Variants in SLC25A40 observed in about 807,000 individuals in gnomAD.
The protein encoded by SLC25A40 is mitochondrial glutathione transporter SLC25A40.
SLC25A40 carries 41 observed loss-of-function variants against 46.5 expected under a neutral mutation model. The observed-to-expected ratio is 0.88, with a 90% CI of 0.69 to 1.14. SLC25A40 has a LOEUF of 1.14. SLC25A40 is among the 50% of genes most tolerant of loss of function. The pLI is 0.00. For missense variants in SLC25A40, 386 were observed against 393.6 expected (o/e 0.98, Z 0.16); for synonymous variants, 126 against 127.5 (o/e 0.99, Z 0.08).
chr7:87,861,178 T>C (rs551610803), intron 1 of SLC25A40, among the ~76,000 whole-genome samples: 1 of 152,264 alleles, frequency 6.6e-6, no homozygotes, highest in South Asian at 2.1e-4. Flanking sequence ...ACAAGACTAT[T>C]GTCTTGATTT....
chr7:87,869,806 G>A (rs1838867772), intron 1 of SLC25A40, among the ~76,000 whole-genome samples: 1 of 152,132 alleles, frequency 6.6e-6, no homozygotes, highest in South Asian at 2.1e-4. Flanking sequence ...TTTAAATCTT[G>A]AGTAAATACA....
chr7:87,867,535 A>G (rs1838822957), intron 1 of SLC25A40, among the ~76,000 whole-genome samples: 1 of 152,120 alleles, frequency 6.6e-6, no homozygotes, highest in Admixed American at 6.5e-5. Context: ...TAAAACTGCT[A>G]TTTTAAATCC....
chr7:87,874,660 C>G (rs981245322), intron 1 of SLC25A40, among the ~76,000 whole-genome samples: 1 of 152,190 alleles, frequency 6.6e-6, no homozygotes, highest in African/African-American at 2.4e-5. Context: ...TCTTAAGGAG[C>G]TCTACTCTGT....
At chr7:87,855,901 C>A (rs1584331232) in intron 4 of SLC25A40, among the ~76,000 whole-genome samples, 1 of 152,162 alleles carries the variant, frequency 6.6e-6, no homozygotes, top group East Asian at 1.9e-4. Context: ...ACCAAGCTGT[C>A]TGATAAAATA....
chr7:87,850,187 G>T (rs930180787), intron 5 of SLC25A40, among the ~76,000 whole-genome samples: 2 of 152,102 alleles, frequency 1.3e-5, no homozygotes, highest in Non-Finnish European at 2.9e-5. Context: ...GCTCTAGATT[G>T]TTCTACTAAG....
intron 5 of SLC25A40, among the ~76,000 whole-genome samples, chr7:87,851,854 T>A (rs1838517319): frequency 6.6e-6 from 1 of 152,052 alleles, no homozygotes; most frequent in Non-Finnish European, 1.5e-5. Context: ...AAGAGTTTAA[T>A]GGAATGCTAA....
At chr7:87,866,002 G>T (rs1374911853) in intron 1 of SLC25A40, among the ~76,000 whole-genome samples, 1 of 151,870 alleles carries the variant, frequency 6.6e-6, no homozygotes, top group African/African-American at 2.4e-5. Context: ...AGGATCGCTT[G>T]AGCCCACAAA....
chr7:87,843,575 T>A (rs1486293082), intron 9 of SLC25A40, among the ~76,000 whole-genome samples, 179 bp downstream of exon 9: 1 of 152,068 alleles, frequency 6.6e-6, no homozygotes, highest in Non-Finnish European at 1.5e-5. Context: ...AAATACAGTA[T>A]ATTTAAATTA....
chr7:87,838,926 T>C (rs1023635108), intron 10 of SLC25A40, among the ~76,000 whole-genome samples: 1 of 151,682 alleles, frequency 6.6e-6, no homozygotes, highest in Admixed American at 6.6e-5. Flanking sequence ...TGGATTATAA[T>C]GATTTATCCA....
chr7:87,854,838 G>A (rs1584330523), intron 4 of SLC25A40, among the ~76,000 whole-genome samples: 1 of 139,670 alleles, frequency 7.2e-6, no homozygotes, highest in Non-Finnish European at 1.5e-5. Flanking sequence ...AAAAGTAACT[G>A]TAAATTAGTG....
intron 1 of SLC25A40, among the ~76,000 whole-genome samples, chr7:87,869,920 C>T (rs938781318): frequency 1.3e-5 from 2 of 152,200 alleles, no homozygotes; most frequent in African/African-American, 4.8e-5. Context: ...CCCACCAGCA[C>T]TATATGCAAG....
At chr7:87,865,513 A>G (rs777106570) in intron 1 of SLC25A40, among the ~76,000 whole-genome samples, 6 of 152,224 alleles carry the variant, frequency 3.9e-5, no homozygotes, top group Admixed American at 2.6e-4. Flanking sequence ...GCTGAGGCCT[A>G]TAATCCCAGC....
chr7:87,843,782 T>C lies in SLC25A40; in HGVS notation c.713A>G (p.Asn238Ser), dbSNP rs760450208. 1.7e-5 allele frequency: 27 copies of C among 1,610,422 alleles called. No individual in the cohort carries two copies. In the Admixed American group the frequency reaches 2.5e-4, roughly 15 times the overall value. ...ACCAGACAATGCCCCTGAAGTAAAG[T>C]TGATCATAAATGTTGGCTCATATAA... is the stretch of plus-strand genomic sequence containing the variant. The part of the protein sequence containing the change: ...SGLYEPTFMI[N>S]FTSGALSGSF... The change falls in exon 9 of 12, where the codon AAC (asparagine) becomes AGC (serine). Residue 238 changes from asparagine to serine, a missense_variant. Physicochemically the swap from Asn to Ser is conservative, Grantham distance 46 (BLOSUM62 1). Coordinates refer to ENST00000341119, the MANE Select transcript of SLC25A40 (RefSeq NM_018843.4).
intron 1 of SLC25A40, among the ~76,000 whole-genome samples, chr7:87,873,096 C>T (rs75441545): frequency 1.6e-4 from 24 of 152,090 alleles, no homozygotes; most frequent in Admixed American, 1.1e-3. Flanking sequence ...TTTCAGAAGA[C>T]GACATATCAA....
At chr7:87,872,727 C>T (rs752978533) in intron 1 of SLC25A40, among the ~76,000 whole-genome samples, 2 of 152,188 alleles carry the variant, frequency 1.3e-5, no homozygotes, top group Non-Finnish European at 2.9e-5. Flanking sequence ...TTTGGGAGGT[C>T]GAGGCTGGCG....
At chr7:87,864,941 A>T (rs1838765509) in intron 1 of SLC25A40, among the ~76,000 whole-genome samples, 1 of 146,254 alleles carries the variant, frequency 6.8e-6, no homozygotes, top group Non-Finnish European at 1.5e-5. Flanking sequence ...CTTTGTTAGC[A>T]TGTTTTGATT....
At chr7:87,841,159 G>GTA (rs376277104) in intron 10 of SLC25A40, among the ~76,000 whole-genome samples, 5,402 of 137,616 alleles carry the variant, frequency 0.039, 135 homozygotes, top group Non-Finnish European at 0.05. Flanking sequence ...GTGTGTGTGT[G>GTA]TATATATATA....
intron 5 of SLC25A40, among the ~76,000 whole-genome samples, 156 bp from the exon 6 acceptor site, chr7:87,850,104 A>T (rs1357574558): frequency 6.6e-6 from 1 of 152,194 alleles, no homozygotes; most frequent in Non-Finnish European, 1.5e-5. Context: ...TTAAAAAGGG[A>T]ATTTTAACAC....
intron 10 of SLC25A40, among the ~76,000 whole-genome samples, chr7:87,840,836 G>C (rs1452979431): frequency 3.3e-5 from 5 of 151,848 alleles, no homozygotes; most frequent in South Asian, 2.1e-4. Context: ...GTAGAGGTTT[G>C]TAACCAGCTT....
Sources: gnomAD v4.1 joint callset for allele counts (sites outside exome capture counted in the v4.1 genomes callset) on GRCh38, gnomAD v4.1.1 for gene constraint, MANE v1.5 for transcripts, NCBI Gene and HGNC (gene_info 2026-07-23, HGNC 2026-07-21) for gene names.